Variants in ZNF385D observed in about 807,000 individuals in gnomAD.
The protein encoded by ZNF385D is zinc finger protein 385D, also known as zinc finger protein 659.
In ZNF385D, 15 loss-of-function variants were observed where a neutral mutation model predicts 35.8. The ratio of observed to expected loss-of-function variants is 0.42; its 90% CI spans 0.28 to 0.64. The LOEUF (loss-of-function observed/expected upper bound fraction) is 0.64. Ranked by LOEUF, ZNF385D falls within the 30% of genes least tolerant of loss-of-function variation. The pLI is 0.23. For missense variants in ZNF385D, 474 were observed against 494.6 expected (o/e 0.96, Z 0.39); for synonymous variants, 212 against 186.8 (o/e 1.13, Z -1.10).
chr3:21,803,579 T>A (rs544562420), intron 3 of ZNF385D, among the ~76,000 whole-genome samples: 2 of 152,268 alleles, frequency 1.3e-5, no homozygotes, highest in African/African-American at 4.8e-5. Context: ...TTACATAGAA[T>A]AGACATGAAA....
At chr3:22,264,649 C>A (rs1276886169) in intron 2 of ZNF385D, among the ~76,000 whole-genome samples, 1 of 151,924 alleles carries the variant, frequency 6.6e-6, no homozygotes, top group Non-Finnish European at 1.5e-5. Flanking sequence ...TAATATGGGT[C>A]TCCCTACTGC....
At chr3:21,498,501 A>T (rs1163144510) in intron 4 of ZNF385D, among the ~76,000 whole-genome samples, 1 of 152,190 alleles carries the variant, frequency 6.6e-6, no homozygotes, top group Admixed American at 6.5e-5. Flanking sequence ...TAAGGAACTT[A>T]AATTTACAAG....
intron 3 of ZNF385D, among the ~76,000 whole-genome samples, chr3:22,160,315 C>A (rs1222902082): frequency 1.3e-5 from 2 of 152,140 alleles, no homozygotes; most frequent in East Asian, 1.9e-4. Context: ...CACTGTGAAG[C>A]CACAAATGTT....
chr3:21,562,808 CTTATT>C (rs1321807283), intron 3 of ZNF385D, among the ~76,000 whole-genome samples: 1 of 129,900 alleles, frequency 7.7e-6, no homozygotes, highest in Non-Finnish European at 1.6e-5. Flanking sequence ...GTTTAGAACT[CTTATT>C]TATGTATTAA....
chr3:21,781,453 A>G (rs920063693), intron 3 of ZNF385D, among the ~76,000 whole-genome samples: 5 of 152,056 alleles, frequency 3.3e-5, no homozygotes, highest in Admixed American at 1.3e-4. Context: ...CATTAAATGT[A>G]TCAAAGATGG....
rs376883479 is a variant in ZNF385D at position 21,446,625 on chromosome 3, C to G, written c.440-9422G>C. ...TCTTCTGCCTCAGCCTCCTGAGTAG[C>G]TGGGATTACAGGGGTGTGCCACCAC... On this transcript the variant is annotated intron_variant, in intron 4 of 7. Coordinates refer to ENST00000281523, the MANE Select transcript of ZNF385D (RefSeq NM_024697.3). Among the ~76,000 whole-genome samples the G allele has an allele frequency of 4.0e-5, 6 of 150,238 alleles. No homozygotes were observed. The East Asian group carries it at 7.9e-4, about 20-fold the overall frequency.
In ZNF385D at chr3:21,461,641, G is replaced by A. The variant is rs896107623; in HGVS notation, c.440-24438C>T. On this transcript the variant is annotated intron_variant, in intron 4 of 7. Coordinates refer to ENST00000281523, the MANE Select transcript of ZNF385D (RefSeq NM_024697.3). ...TTAAGACAGCAATCCTAGTAAAGAC[G>A]TTTTAAATTCAAATTATTCATGTTG... Among the ~76,000 whole-genome samples the A allele has an allele frequency of 6.6e-5, 10 of 152,340 alleles. No homozygotes were observed. The East Asian group carries it at 1.5e-3, about 23-fold the overall frequency.
At chr3:22,128,233 T>C (rs1252535091) in intron 3 of ZNF385D, among the ~76,000 whole-genome samples, 1 of 152,220 alleles carries the variant, frequency 6.6e-6, no homozygotes, top group African/African-American at 2.4e-5. Flanking sequence ...AAGGTTTGCA[T>C]TGAGAAATCT....
At chr3:22,295,516 G>A (rs1429721994) in intron 2 of ZNF385D, among the ~76,000 whole-genome samples, 1 of 152,030 alleles carries the variant, frequency 6.6e-6, no homozygotes, top group Non-Finnish European at 1.5e-5. Flanking sequence ...TAGGTGTATG[G>A]CTCAAATAAT....
At chr3:22,292,631 C>T (rs748326914) in intron 2 of ZNF385D, among the ~76,000 whole-genome samples, 3 of 152,054 alleles carry the variant, frequency 2.0e-5, no homozygotes, top group East Asian at 3.9e-4. Flanking sequence ...TAAAGATCTA[C>T]AGACTTCAAT....
chr3:22,244,821 G>T (rs961079878), intron 2 of ZNF385D, among the ~76,000 whole-genome samples: 3 of 145,142 alleles, frequency 2.1e-5, no homozygotes, highest in Non-Finnish European at 4.5e-5. Flanking sequence ...TTTTTTCCTT[G>T]ATTTTTTTTT....
rs9871951 is a variant in ZNF385D, at chr3:22,296,801, G to A, written c.106+75649C>T. Among the ~76,000 whole-genome samples the A allele has an allele frequency of 2.6e-5, 4 of 152,064 alleles. No individual in the cohort carries two copies. The East Asian group carries it at 7.8e-4, about 29-fold the overall frequency. ...CATAGTGTCTGTCTTGAGCATGGTG[G>A]TTGGCTTCTCTGGAGAGCAAAAGTG... On this transcript the variant is annotated intron_variant, in intron 2 of 5. Transcript: ENST00000494108.
chr3:21,638,442 A>G (rs3860585), intron 2 of ZNF385D, among the ~76,000 whole-genome samples: 113,737 of 151,894 alleles, frequency 0.75, 42,852 homozygotes, highest in Admixed American at 0.79. Context: ...CTAAGTGCAG[A>G]GGTCCTCAGC....
intron 3 of ZNF385D, among the ~76,000 whole-genome samples, chr3:21,758,829 C>T (rs2070462200): frequency 1.3e-5 from 2 of 151,792 alleles, no homozygotes; most frequent in African/African-American, 4.8e-5. Flanking sequence ...GAGGCAGACA[C>T]TGGCCTCTCA....
chr3:21,620,791 G>C (rs1486903233), intron 2 of ZNF385D, among the ~76,000 whole-genome samples: 1 of 152,116 alleles, frequency 6.6e-6, no homozygotes. Context: ...TCAGTAAGAG[G>C]CATTTTCCAC....
intron 3 of ZNF385D, among the ~76,000 whole-genome samples, chr3:21,874,967 A>G (rs1305163045): frequency 2.0e-5 from 3 of 147,752 alleles, no homozygotes; most frequent in Non-Finnish European, 4.5e-5. Flanking sequence ...TTTATTCATA[A>G]GTATTTTATT....
chr3:21,534,957 A>C (rs2062002076), intron 3 of ZNF385D, among the ~76,000 whole-genome samples: 1 of 152,160 alleles, frequency 6.6e-6, no homozygotes, highest in African/African-American at 2.4e-5. Context: ...CTGAGATCAC[A>C]AGAAATACTA....
intron 3 of ZNF385D, among the ~76,000 whole-genome samples, chr3:22,132,296 T>C (rs567980732): frequency 1.3e-5 from 2 of 152,284 alleles, no homozygotes; most frequent in South Asian, 2.1e-4. Context: ...AACAGTGCCA[T>C]CTATGAACTA....
At chr3:21,605,967 G>C (rs564342983) in intron 2 of ZNF385D, among the ~76,000 whole-genome samples, 1 of 144,224 alleles carries the variant, frequency 6.9e-6, no homozygotes, top group African/African-American at 2.9e-5. Flanking sequence ...CGTGCAGACT[G>C]TGCTGGTATT....
Sources: gnomAD v4.1 joint callset for allele counts (sites outside exome capture counted in the v4.1 genomes callset) on GRCh38, gnomAD v4.1.1 for gene constraint, MANE v1.5 for transcripts, NCBI Gene and HGNC (gene_info 2026-07-23, HGNC 2026-07-21) for gene names.